Variants in SNX29 observed in about 807,000 individuals in gnomAD.
The protein encoded by SNX29 is sorting nexin-29.
Under a neutral mutation model 102.1 loss-of-function variants are expected in SNX29, and 78 were observed. The ratio of observed to expected loss-of-function variants is 0.76; its 90% CI spans 0.64 to 0.92. The LOEUF (loss-of-function observed/expected upper bound fraction) is 0.92. Ranked by LOEUF, SNX29 falls within the 40% of genes least tolerant of loss-of-function variation. SNX29 has a pLI of 0.00. For synonymous variants in SNX29, 580 were observed against 414.5 expected (o/e 1.40, Z -4.85); for missense variants, 1,280 against 1,061.7 (o/e 1.21, Z -2.86).
At chr16:12,160,474 T>C (rs1277614929) in intron 13 of SNX29, among the ~76,000 whole-genome samples, 1 of 152,224 alleles carries the variant, frequency 6.6e-6, no homozygotes, top group African/African-American at 2.4e-5. Flanking sequence ...GGTGTTATTA[T>C]ATCATTCCAT....
intron 14 of SNX29, among the ~76,000 whole-genome samples, chr16:12,243,224 A>G (rs1297063637): frequency 6.6e-6 from 1 of 152,200 alleles, no homozygotes; most frequent in East Asian, 1.9e-4. Context: ...CTAAATGTGC[A>G]TTTGATGCCA....
chr16:12,532,015 C>T (rs2076945086), intron 20 of SNX29, among the ~76,000 whole-genome samples: 3 of 152,122 alleles, frequency 2.0e-5, no homozygotes, highest in African/African-American at 4.8e-5. Context: ...AGAGGAGAGG[C>T]AGGAGCAGGA....
chr16:12,133,790 G>C (rs1368312379), intron 13 of SNX29, among the ~76,000 whole-genome samples: 1 of 152,186 alleles, frequency 6.6e-6, no homozygotes, highest in Non-Finnish European at 1.5e-5. Flanking sequence ...CAGCGATAGT[G>C]CAGAAAGAAT....
At chr16:12,410,151 C>A (rs12927878) in intron 18 of SNX29, among the ~76,000 whole-genome samples, 1 of 151,730 alleles carries the variant, frequency 6.6e-6, no homozygotes, top group Non-Finnish European at 1.5e-5. Context: ...CCCATCACCA[C>A]GCCTGGCTAA....
At chr16:12,033,741 C>G (rs908762708) in intron 4 of SNX29, among the ~76,000 whole-genome samples, 1 of 151,670 alleles carries the variant, frequency 6.6e-6, no homozygotes, top group Non-Finnish European at 1.5e-5. Context: ...TGAGTAGCTG[C>G]GATTACAGGT....
chr16:12,461,031 A>G (rs1457706574), intron 18 of SNX29, among the ~76,000 whole-genome samples: 1 of 152,218 alleles, frequency 6.6e-6, no homozygotes, highest in Non-Finnish European at 1.5e-5. Context: ...AAAGTAGTTG[A>G]TTTTCAAACA....
intron 4 of SNX29, among the ~76,000 whole-genome samples, chr16:12,034,095 G>A (rs2057412313): frequency 6.6e-6 from 1 of 152,212 alleles, no homozygotes; most frequent in Admixed American, 6.5e-5. Context: ...ACTGTAAAAT[G>A]AGAGAGACCG....
At chr16:12,482,301 C>T (rs1449982838) in intron 19 of SNX29, among the ~76,000 whole-genome samples, 3 of 151,826 alleles carry the variant, frequency 2.0e-5, no homozygotes, top group Non-Finnish European at 4.4e-5. Context: ...TTTTCCTTTT[C>T]CTTTTCCCTT....
intron 15 of SNX29, among the ~76,000 whole-genome samples, chr16:12,298,697 C>T (rs2080061828): frequency 6.6e-6 from 1 of 152,320 alleles, no homozygotes; most frequent in South Asian, 2.1e-4. Context: ...CAGGCATCCT[C>T]TGCTGCCTCC....
chr16:12,105,222 TCCC>T (rs1567210184), intron 11 of SNX29, among the ~76,000 whole-genome samples: 1,397 of 99,354 alleles, frequency 0.014, 68 homozygotes, highest in Admixed American at 0.12. Context: ...CCTCCCTCCC[TCCC>T]TCCCTTCCTT....
chr16:12,226,020 A>G (rs2077601932), intron 14 of SNX29, among the ~76,000 whole-genome samples: 1 of 152,228 alleles, frequency 6.6e-6, no homozygotes, highest in African/African-American at 2.4e-5. Flanking sequence ...GGGCAAATTC[A>G]TACAAGGTAC....
intron 1 of SNX29, chr16:11,977,318 C>G (rs1403251045): frequency 1.3e-5 from 2 of 155,104 alleles, no homozygotes; most frequent in Non-Finnish European, 2.9e-5. Flanking sequence ...CCAGGAGCTT[C>G]TGGTCCCCAG....
intron 1 of SNX29, among the ~76,000 whole-genome samples, chr16:11,986,430 CAG>C (rs1680349777): frequency 6.9e-6 from 1 of 144,636 alleles, no homozygotes; most frequent in Non-Finnish European, 1.5e-5. Context: ...ATTGTGAAAA[CAG>C]AATATACCTT....
In SNX29 at chr16:12,427,101, T is replaced by A. The variant is rs370991607; in HGVS notation, c.2037+23572T>A. On this transcript the variant is annotated intron_variant, in intron 18 of 20. Transcript: ENST00000566228. ...AAAAATTATAATTAAAATGTATATA[T>A]TAGCATAGGAAAAGACATGGAAAGA... 4.3e-4 allele frequency among the ~76,000 whole-genome samples: 66 copies of A among 152,204 alleles called. 2 individuals carry two copies. In the South Asian group the frequency reaches 0.013, roughly 31 times the overall value.
intron 18 of SNX29, among the ~76,000 whole-genome samples, chr16:12,423,048 A>C (rs957564966): frequency 4.6e-5 from 7 of 152,156 alleles, no homozygotes; most frequent in African/African-American, 1.4e-4. Context: ...CACACACACA[A>C]AAACCCAGCC....
At chr16:12,398,554 G>A in intron 17 of SNX29, 53 bp downstream of exon 17, 1 of 1,597,968 alleles carries the variant, frequency 6.3e-7, no homozygotes, top group Non-Finnish European at 8.6e-7. Flanking sequence ...GGACTCTGTT[G>A]TTGGCTTCTG....
At chr16:12,370,661 C>T (rs536190691) in intron 16 of SNX29, among the ~76,000 whole-genome samples, 41 of 152,210 alleles carry the variant, frequency 2.7e-4, no homozygotes, top group African/African-American at 8.2e-4. Flanking sequence ...GGGCATCTTC[C>T]GGCGTGTTCT....
Position 12,570,273 on chromosome 16 carries a change from C to G in SNX29, c.*1644C>G, listed in dbSNP as rs1436006570. ...GCTGGAGCATGTATGGAGGTGCGGA[C>G]CCTGCAGTCAGTTTGCGAGTGTGGA... is the stretch of plus-strand genomic sequence containing the variant. On this transcript the variant is annotated 3_prime_UTR_variant, in exon 21 of 21. Coordinates refer to ENST00000566228, the MANE Select transcript of SNX29 (RefSeq NM_032167.5). The G allele has an allele frequency of 9.4e-7, 1 of 1,064,614 alleles. No individual in the cohort carries two copies. Among genetic ancestry groups the G allele is most frequent in the Non-Finnish European group, 1.1e-6 (1 of 878,814 alleles). 65.9% of individuals were successfully genotyped at this position (1,064,614 alleles called of 1,614,324 possible).
intron 17 of SNX29, among the ~76,000 whole-genome samples, chr16:12,402,139 A>G (rs541727969): frequency 4.6e-4 from 70 of 152,340 alleles, no homozygotes; most frequent in African/African-American, 1.6e-3. Context: ...CAGAATTGCA[A>G]TGTACAAATT....
Sources: gnomAD v4.1 joint callset for allele counts (sites outside exome capture counted in the v4.1 genomes callset) on GRCh38, gnomAD v4.1.1 for gene constraint, MANE v1.5 for transcripts, NCBI Gene and HGNC (gene_info 2026-07-23, HGNC 2026-07-21) for gene names.